The following SMG5 variants were observed in gnomAD, a reference collection of about 807,000 sequenced individuals.
SMG5 encodes the protein nonsense-mediated mRNA decay factor SMG5.
In SMG5, 53 loss-of-function variants were observed where a neutral mutation model predicts 122.9. The ratio of observed to expected loss-of-function variants is 0.43; its 90% confidence interval spans 0.35 to 0.54. The LOEUF (loss-of-function observed/expected upper bound fraction) is 0.54, where lower values mean the gene tolerates loss of function less well. Ranked by LOEUF, SMG5 falls within the 20% of genes least tolerant of loss-of-function variation. The probability of loss-of-function intolerance (pLI) is 0.01; values close to 1 mark genes in which losing one functional copy is unlikely to be tolerated. For missense variants in SMG5, 1,153 were observed against 1,285.6 expected, an observed-to-expected ratio of 0.90 and a Z score of 1.58; for synonymous variants, 477 against 490.2, an observed-to-expected ratio of 0.97 and a Z score of 0.35.
At chr1:156,282,526 C>CCCCG in intron 1 of SMG5, 81 bp downstream of exon 1, 1 of 1,476,834 alleles carries the variant, frequency 6.8e-7, no homozygotes, top group South Asian at 1.2e-5. Flanking sequence ...GACACCCGGG[C>CCCCG]CCCGCCCGCC....
At chr1:156,288,879 A>G in the SMG5 span, among the ~76,000 whole-genome samples, 1 of 152,162 alleles carries the variant, frequency 6.6e-6, no homozygotes, top group Non-Finnish European at 1.5e-5. Context: ...CTGGTTTCAG[A>G]TAGAAGTTGG....
chr1:156,291,348 C>T, the SMG5 span: 1 of 1,599,358 alleles, frequency 6.3e-7, no homozygotes. Context: ...GACGCGCTTC[C>T]CTCGAGAGTA....
At chr1:156,267,707 G>T (rs1438210922) in intron 9 of SMG5, 29 bp from the exon 10 acceptor site, 1 of 1,573,910 alleles carries the variant, frequency 6.4e-7, no homozygotes, top group Non-Finnish European at 8.7e-7. Flanking sequence ...AACAGGGGAG[G>T]TCAGTGGTGG....
At chr1:156,286,307 C>T, upstream of SMG5, 1 of 1,614,262 alleles carries the variant, frequency 6.2e-7, no homozygotes, top group Non-Finnish European at 8.5e-7. Context: ...TGCCCTTCGG[C>T]CCTTTGGGGA....
chr1:156,285,566 C>G, upstream of SMG5: 1 of 1,614,248 alleles, frequency 6.2e-7, no homozygotes. Flanking sequence ...AGAGGAGCTG[C>G]CCGAAGACGA....
intron 2 of SMG5, among the ~76,000 whole-genome samples, chr1:156,278,417 G>A (rs1662784840): frequency 6.8e-6 from 1 of 147,942 alleles, no homozygotes; most frequent in African/African-American, 2.5e-5. Flanking sequence ...CTCACTCTGT[G>A]GCAGTGGCGG....
At chr1:156,286,146 A>G (rs772951756), upstream of SMG5, 132 of 1,367,780 alleles carry the variant, frequency 9.7e-5, no homozygotes, top group Non-Finnish European at 1.3e-4. Context: ...GACCACCTCC[A>G]CCCCACTGTG....
upstream of SMG5, chr1:156,283,057 T>G (rs1393716092): frequency 2.3e-6 from 1 of 437,778 alleles, no homozygotes; most frequent in African/African-American, 2.1e-5. Flanking sequence ...CTTAACTGGA[T>G]CAGGGCAGGT....
Position 156,249,634 on chromosome 1 carries a change from GGCCTCTGACTGAGCAGCTTCAAGGA to G in SMG5, c.*928_*952del. 1 of 414,228 alleles carries G rather than the reference GGCCTCTGACTGAGCAGCTTCAAGGA, an allele frequency of 2.4e-6. No homozygotes were observed. Among genetic ancestry groups the G allele is most frequent in the Admixed American group, 2.8e-5 (1 of 35,686 alleles). 25.7% of individuals were successfully genotyped at this position (414,228 alleles called of 1,614,324 possible). ...TGCGGAAGGCAAAAGGAGGGACGGGGGCCTCTGACTGAGCAGCTTCAAGGAGCCTCTCCTTTCTGCTGCCCACTGA... is the reference window on the plus strand; with the variant it reads ...TGCGGAAGGCAAAAGGAGGGACGGGGGCCTCTCCTTTCTGCTGCCCACTGA... On this transcript the variant is annotated 3_prime_UTR_variant, in exon 22 of 22. Transcript: ENST00000361813.
At chr1:156,268,048 T>C (rs990314482) in intron 9 of SMG5, 67 bp downstream of exon 9, 2 of 1,522,036 alleles carry the variant, frequency 1.3e-6, no homozygotes, top group African/African-American at 2.8e-5. Flanking sequence ...CTTGTCAAGG[T>C]TCCTTCTGTA....
Position 156,282,818 on chromosome 1 carries a change from C to A in SMG5, c.-138G>T. ...GGCCGCCATCGCTGTGAGGCGGCTGCCCGCGACAGCTCCTCCTCCGCCTGC... is the reference window on the plus strand; with the variant it reads ...GGCCGCCATCGCTGTGAGGCGGCTGACCGCGACAGCTCCTCCTCCGCCTGC... On this transcript the variant is annotated 5_prime_UTR_variant, in exon 1 of 22. Coordinates refer to ENST00000361813, the MANE Select transcript of SMG5 (RefSeq NM_015327.3). 1 of 867,856 alleles carries A rather than the reference C, an allele frequency of 1.2e-6. No individual in the cohort carries two copies. The allele number at this position is 867,856 out of a possible 1,614,324, so 53.8% of individuals were successfully genotyped here. A position where few individuals can be genotyped will look rare whatever the true frequency, so the allele number is the denominator to read the frequency against.
intron 13 of SMG5, among the ~76,000 whole-genome samples, chr1:156,261,947 A>T (rs572787849): frequency 4.0e-5 from 6 of 151,010 alleles, no homozygotes; most frequent in African/African-American, 1.5e-4. Context: ...TTGTAGCCCC[A>T]GCTACTGGGG....
intron 7 of SMG5, among the ~76,000 whole-genome samples, chr1:156,268,622 G>A (rs1031761125): frequency 2.0e-5 from 3 of 152,158 alleles, no homozygotes; most frequent in Non-Finnish European, 4.4e-5. Context: ...GAAAAACGAT[G>A]TCTTACTCTG....
In SMG5 at chr1:156,264,205, T is replaced by C. The variant is rs189109766; in HGVS notation, c.1856-635A>G. 9.2e-3 allele frequency among the ~76,000 whole-genome samples: 1,188 copies of C among 128,804 alleles called. 15 individuals are homozygous for C. Among genetic ancestry groups the C allele is most frequent in the African/African-American group, 0.033 (1,134 of 34,018 alleles). The allele number at this position is 128,804 out of a possible 152,430, so 84.5% of individuals were successfully genotyped here. On this transcript the variant is annotated intron_variant, in intron 12 of 21. Coordinates refer to ENST00000361813, the MANE Select transcript of SMG5 (RefSeq NM_015327.3). ...ATTGCTTGAACCCGGGAGGTGGAGG[T>C]TGCAGTGAGCCGAGATTGCACCACT...
At chr1:156,267,404 G>T in intron 10 of SMG5, 66 bp downstream of exon 10, 1 of 1,488,486 alleles carries the variant, frequency 6.7e-7, no homozygotes, top group Non-Finnish European at 9.3e-7. Context: ...ATAAGGAGCT[G>T]CAGAAAAGGG....
chr1:156,285,253 A>T (rs746976147), upstream of SMG5: 1 of 1,549,326 alleles, frequency 6.5e-7, no homozygotes, highest in Non-Finnish European at 8.7e-7. Context: ...CCCTGGCCCT[A>T]CTGGAAGTGA....
chr1:156,265,036 TACACACAC>T lies in SMG5; in HGVS notation c.1855+737_1855+744del, dbSNP rs35457785. Among the ~76,000 whole-genome samples, 120 of 122,822 alleles carry T rather than the reference TACACACAC, an allele frequency of 9.8e-4. 2 individuals are homozygous for T. The Middle Eastern group carries it at 0.016, about 16-fold the overall frequency. 80.6% of individuals were successfully genotyped at this position (122,822 alleles called of 152,430 possible). Reference sequence around the variant, plus strand: ...GTGAGACTCTGTCTCAAAAAAAAAATACACACACACACACACACACACACACACACACA... The same window carrying T: ...GTGAGACTCTGTCTCAAAAAAAAAATACACACACACACACACACACACACA... On this transcript the variant is annotated intron_variant, in intron 12 of 21. Transcript: ENST00000361813.
At chr1:156,264,743 G>A (rs1475782828) in intron 12 of SMG5, among the ~76,000 whole-genome samples, 1 of 152,000 alleles carries the variant, frequency 6.6e-6, no homozygotes, top group East Asian at 1.9e-4. Context: ...AAGTTTGGAG[G>A]GGCTAGGTGT....
At chr1:156,282,174 G>C (rs1662981525) in intron 1 of SMG5, among the ~76,000 whole-genome samples, 1 of 152,118 alleles carries the variant, frequency 6.6e-6, no homozygotes, top group Non-Finnish European at 1.5e-5. Context: ...TGAGAGAGTG[G>C]CAAAGGATGG....
Sources: gnomAD v4.1 joint callset for allele counts (sites outside exome capture counted in the v4.1 genomes callset) on GRCh38, gnomAD v4.1.1 for gene constraint, MANE v1.5 for transcripts, NCBI Gene and HGNC (gene_info 2026-07-23, HGNC 2026-07-21) for gene names.